The following DZIP3 variants were observed in gnomAD, a reference collection of about 807,000 sequenced individuals.
DZIP3 encodes the protein E3 ubiquitin-protein ligase DZIP3.
A neutral mutation model predicts 162.0 loss-of-function variants in DZIP3; 118 were observed. The observed-to-expected ratio is 0.73, with a 90% CI of 0.63 to 0.85. The LOEUF is 0.85. Among genes scored for constraint, DZIP3 ranks in the 40% least tolerant of loss-of-function variants. DZIP3 has a pLI of 0.00. For synonymous variants in DZIP3, 438 were observed against 458.6 expected (o/e 0.96, Z 0.57); for missense variants, 1,331 against 1,407.0 (o/e 0.95, Z 0.86).
chr3:108,677,589 T>A lies in DZIP3; in HGVS notation c.2874T>A (p.Pro958=). ...AGCTTCCTCCTCCACCACCCAGTCCTGAGATACTGGTAAGAAATACAACAT... is the reference window on the plus strand; with the variant it reads ...AGCTTCCTCCTCCACCACCCAGTCCAGAGATACTGGTAAGAAATACAACAT... The part of the protein sequence containing the change: ...PVQLPPPPPS[P]EILMQQFLGR... The change falls in exon 26 of 33, where the codon CCT becomes CCA. Residue 958 remains proline (P), a synonymous_variant. Transcript: ENST00000361582. The A allele has an allele frequency of 6.2e-7, 1 of 1,611,500 alleles. No individual in the cohort carries two copies. Among genetic ancestry groups the A allele is most frequent in the Non-Finnish European group, 8.5e-7 (1 of 1,178,074 alleles).
chr3:108,666,258 A>G (rs1264480283), intron 21 of DZIP3, among the ~76,000 whole-genome samples: 3 of 152,180 alleles, frequency 2.0e-5, no homozygotes, highest in Non-Finnish European at 4.4e-5. Flanking sequence ...AAGAATGGCT[A>G]TATTAAAATC....
At chr3:108,647,873 C>A in intron 15 of DZIP3, 70 bp from the exon 16 acceptor site, 1 of 1,306,556 alleles carries the variant, frequency 7.7e-7, no homozygotes, top group South Asian at 1.7e-5. Flanking sequence ...TTTGGGCAAA[C>A]ATTATAACAT....
At chr3:108,589,960 T>A (rs772694334) in intron 1 of DZIP3, 121 bp downstream of exon 1, 1 of 152,178 alleles carries the variant, frequency 6.6e-6, no homozygotes, top group African/African-American at 2.4e-5. Context: ...TTTCTCAGAG[T>A]CAACCTATTG....
In DZIP3 at chr3:108,625,928, A is replaced by ATTTTGGACGTG. The variant is rs1941571704; in HGVS notation, c.540_541insTTTTGGACGTG (p.Val181PhefsTer24). 3.1e-6 allele frequency: 5 copies of ATTTTGGACGTG among 1,613,358 alleles called. No homozygotes were observed. The highest frequency in any genetic ancestry group is 3.4e-6 in the Non-Finnish European group (4 of 1,179,792). ...AAATTTGTGAAAACTTTATGTCTTT[A>ATTTTGGACGTG]GTTTATTTTGGACGTGGTTTACTGC... On this transcript the variant is annotated frameshift_variant, in exon 7 of 33. Coordinates refer to ENST00000361582, the MANE Select transcript of DZIP3 (RefSeq NM_014648.4). LOFTEE classifies it high-confidence loss of function.
At chr3:108,658,911 G>A (rs1184523618) in intron 19 of DZIP3, among the ~76,000 whole-genome samples, 1 of 152,046 alleles carries the variant, frequency 6.6e-6, no homozygotes, top group African/African-American at 2.4e-5. Flanking sequence ...TAAATTCCTC[G>A]ACATATACAC....
chr3:108,688,931 C>T lies in DZIP3; in HGVS notation c.3516+7C>T, dbSNP rs767910677. 4.3e-6 allele frequency: 7 copies of T among 1,613,378 alleles called. No homozygotes were observed. The Admixed American group carries it at 6.7e-5, about 15-fold the overall frequency. On this transcript the variant is annotated splice_region_variant and intron_variant, in intron 31 of 32. Coordinates refer to ENST00000361582, the MANE Select transcript of DZIP3 (RefSeq NM_014648.4). ...TCACAAATTCCATGCTCAGGTAACACTTTAAATTTTCCCATTAATCAGCTA... is the reference window on the plus strand; with the variant it reads ...TCACAAATTCCATGCTCAGGTAACATTTTAAATTTTCCCATTAATCAGCTA...
At chr3:108,660,044 G>A (rs910784314) in intron 19 of DZIP3, among the ~76,000 whole-genome samples, 33 of 152,302 alleles carry the variant, frequency 2.2e-4, no homozygotes, top group African/African-American at 7.7e-4. Flanking sequence ...AATCAATATT[G>A]TGAAAATGGC....
At chr3:108,658,389 T>C (rs1343769573) in intron 19 of DZIP3, among the ~76,000 whole-genome samples, 4 of 152,082 alleles carry the variant, frequency 2.6e-5, no homozygotes, top group Non-Finnish European at 5.9e-5. Flanking sequence ...CCTGAATGAC[T>C]ACTGGGTACA....
chr3:108,655,654 G>T (rs1419287287), intron 19 of DZIP3, among the ~76,000 whole-genome samples: 5 of 152,114 alleles, frequency 3.3e-5, no homozygotes, highest in Non-Finnish European at 7.4e-5. Flanking sequence ...GTGGGTTCAG[G>T]ACAGTGGGTG....
rs1210696522 is a variant in DZIP3 at position 108,629,057 on chromosome 3, T to G, written c.582-5T>G. ...AAACTAACCTTATTTTAAAATGCCTTTCAGATATAATGGAGGACTGCTAGA... is the reference window on the plus strand; with the variant it reads ...AAACTAACCTTATTTTAAAATGCCTGTCAGATATAATGGAGGACTGCTAGA... On this transcript the variant is annotated splice_region_variant and splice_polypyrimidine_tract_variant and intron_variant, in intron 7 of 32. Coordinates refer to ENST00000361582, the MANE Select transcript of DZIP3 (RefSeq NM_014648.4). 1 of 1,560,554 alleles carries G rather than the reference T, an allele frequency of 6.4e-7. No individual in the cohort carries two copies. The highest frequency in any genetic ancestry group is 8.7e-7 in the Non-Finnish European group (1 of 1,151,878).
chr3:108,601,813 C>CA (rs1559717125), intron 1 of DZIP3, among the ~76,000 whole-genome samples: 3 of 151,828 alleles, frequency 2.0e-5, no homozygotes, highest in South Asian at 2.1e-4. Context: ...TTAGGCCTCT[C>CA]AAAAAAAAGT....
chr3:108,604,709 A>G (rs1046136356), intron 1 of DZIP3, among the ~76,000 whole-genome samples: 3 of 152,344 alleles, frequency 2.0e-5, no homozygotes, highest in Non-Finnish European at 2.9e-5. Flanking sequence ...AAGTAGCTAC[A>G]TGTTATTTGT....
intron 31 of DZIP3, among the ~76,000 whole-genome samples, chr3:108,690,215 C>T (rs547196157): frequency 2.6e-5 from 4 of 152,296 alleles, no homozygotes; most frequent in African/African-American, 9.6e-5. Flanking sequence ...TTAATCCTCT[C>T]TCATCTGACC....
At chr3:108,603,148 A>T (rs914734487) in intron 1 of DZIP3, 1 of 152,180 alleles carries the variant, frequency 6.6e-6, no homozygotes, top group Admixed American at 6.5e-5. Flanking sequence ...AGCTTAGCAG[A>T]GGGGGAGGAC....
chr3:108,682,145 G>A (rs1318896775), intron 26 of DZIP3, among the ~76,000 whole-genome samples: 1 of 150,960 alleles, frequency 6.6e-6, no homozygotes, highest in East Asian at 1.9e-4. Context: ...ATGATGTGGA[G>A]AAAAGGGAAC....
intron 19 of DZIP3, among the ~76,000 whole-genome samples, chr3:108,656,761 C>T (rs1186977474): frequency 6.6e-6 from 1 of 152,010 alleles, no homozygotes; most frequent in Admixed American, 6.6e-5. Context: ...AGACGAATGG[C>T]TAACTAGAAT....
intron 1 of DZIP3, among the ~76,000 whole-genome samples, chr3:108,600,171 T>G (rs966601852): frequency 6.6e-6 from 1 of 152,170 alleles, no homozygotes; most frequent in Admixed American, 6.6e-5. Flanking sequence ...TTGGTAAAAT[T>G]TAGCAGAAAT....
rs1044713618 is a variant in DZIP3, at chr3:108,589,730, G to T, written c.-182G>T. ...GAGAAGGGGGATTCCTCACTCAGCT[G>T]TGCGCTCTGATTTCGTGCGCTTCCT... On this transcript the variant is annotated 5_prime_UTR_variant, in exon 1 of 33. Coordinates refer to ENST00000361582, the MANE Select transcript of DZIP3 (RefSeq NM_014648.4). 5.3e-6 allele frequency: 1 copy of T among 187,572 alleles called. No homozygotes were observed. Among genetic ancestry groups the T allele is most frequent in the Non-Finnish European group, 1.1e-5 (1 of 88,648 alleles). 11.6% of individuals were successfully genotyped at this position (187,572 alleles called of 1,614,324 possible).
intron 19 of DZIP3, among the ~76,000 whole-genome samples, chr3:108,657,175 A>C (rs1000015016): frequency 6.6e-6 from 1 of 152,186 alleles, no homozygotes; most frequent in Non-Finnish European, 1.5e-5. Context: ...CAACTCCAAG[A>C]CACATAATTG....
Sources: gnomAD v4.1 joint callset for allele counts (sites outside exome capture counted in the v4.1 genomes callset) on GRCh38, gnomAD v4.1.1 for gene constraint, MANE v1.5 for transcripts, NCBI Gene and HGNC (gene_info 2026-07-23, HGNC 2026-07-21) for gene names.